EDA: variants seen among roughly 807,000 people sequenced by gnomAD.
EDA encodes the protein ectodysplasin-A.
A neutral mutation model predicts 23.6 loss-of-function variants in EDA; 2 were observed. The ratio of observed to expected loss-of-function variants is 0.08; its 90% confidence interval spans 0.03 to 0.27. The LOEUF is 0.27. Ranked by LOEUF, EDA falls within the 10% of genes least tolerant of loss-of-function variation. The pLI is 1.00. For missense variants in EDA, 229 were observed against 324.2 expected, an observed-to-expected ratio of 0.71 and a Z score of 2.26; for synonymous variants, 131 against 132.0, an observed-to-expected ratio of 0.99 and a Z score of 0.05.
intron 1 of EDA, among the ~76,000 whole-genome samples, chrX:69,885,124 G>A (rs1433723374): frequency 8.9e-6 from 1 of 111,825 alleles, no homozygotes; most frequent in African/African-American, 3.2e-5. Flanking sequence ...ATCTTTTCTA[G>A]GGAAACATCT....
At chrX:69,659,644 C>A (rs1296651062) in intron 1 of EDA, among the ~76,000 whole-genome samples, 1 of 112,019 alleles carries the variant, frequency 8.9e-6, no homozygotes, top group East Asian at 2.8e-4. Flanking sequence ...CCTTAAAATG[C>A]AACCCAATTT....
chrX:69,711,404 A>G (rs2012025390), intron 1 of EDA, among the ~76,000 whole-genome samples: 1 of 111,611 alleles, frequency 9.0e-6, no homozygotes, highest in Non-Finnish European at 1.9e-5. Flanking sequence ...CCAGTATTTT[A>G]TTGAGGATTT....
intron 1 of EDA, among the ~76,000 whole-genome samples, chrX:69,805,759 G>C (rs2015799193): frequency 1.8e-5 from 2 of 111,611 alleles, no homozygotes; most frequent in Admixed American, 1.9e-4. Context: ...GTCTAACTCA[G>C]ACAATACTGA....
At chrX:70,009,609 C>T (rs1193846672) in intron 2 of EDA, among the ~76,000 whole-genome samples, 1 of 108,611 alleles carries the variant, frequency 9.2e-6, no homozygotes, top group Non-Finnish European at 1.9e-5. Context: ...TGTTTTGATG[C>T]GGAGTCTCGC....
rs781592770 is a variant in EDA at position 69,805,784 on chromosome X, A to G, written c.397-151243A>G. Reference sequence around the variant, plus strand: ...GACAATACTGATCAGGACATGCTGTATGTGTAAAAGGACCCAAAACTTGAA... The same window carrying G: ...GACAATACTGATCAGGACATGCTGTGTGTGTAAAAGGACCCAAAACTTGAA... On this transcript the variant is annotated intron_variant, in intron 1 of 7. Coordinates refer to ENST00000374552, the MANE Select transcript of EDA (RefSeq NM_001399.5). Among the ~76,000 whole-genome samples, 171 of 111,843 alleles carry G rather than the reference A, an allele frequency of 1.5e-3. 1 individual carries two copies. Among genetic ancestry groups the G allele is most frequent in the African/African-American group, 5.2e-3 (161 of 30,926 alleles).
intron 1 of EDA, among the ~76,000 whole-genome samples, chrX:69,935,049 G>A (rs986853257): frequency 1.8e-5 from 2 of 111,885 alleles, no homozygotes; most frequent in Non-Finnish European, 3.8e-5. Flanking sequence ...GAGAATATAT[G>A]AAGTTTGTCT....
At chrX:69,832,390 G>A (rs2016636178) in intron 1 of EDA, among the ~76,000 whole-genome samples, 2 of 111,504 alleles carry the variant, frequency 1.8e-5, no homozygotes, top group African/African-American at 3.3e-5. Context: ...TGTTCCATTG[G>A]TCTATATCTC....
chrX:69,788,791 A>C (rs1248462508), intron 1 of EDA, among the ~76,000 whole-genome samples: 4 of 113,393 alleles, frequency 3.5e-5, no homozygotes, highest in African/African-American at 1.3e-4. Flanking sequence ...AGAGGCAGGC[A>C]GGCCTCCTTG....
chrX:69,810,043 C>T (rs1262710945), intron 1 of EDA, among the ~76,000 whole-genome samples: 3 of 107,426 alleles, frequency 2.8e-5, no homozygotes, highest in East Asian at 2.9e-4. Context: ...GGGCGGATCA[C>T]GAGGTCAGGA....
At chrX:69,921,303 G>A (rs1200214186) in intron 1 of EDA, among the ~76,000 whole-genome samples, 1 of 111,565 alleles carries the variant, frequency 9.0e-6, no homozygotes, top group African/African-American at 3.3e-5. Flanking sequence ...TTGCTACTGG[G>A]TGTCATTACT....
chrX:69,957,228 A>T, intron 2 of EDA, 96 bp downstream of exon 2: 1 of 872,160 alleles, frequency 1.1e-6, no homozygotes, highest in African/African-American at 2.0e-5. Flanking sequence ...ATGGTGGCTC[A>T]CGCCTGTAAT....
intron 1 of EDA, among the ~76,000 whole-genome samples, chrX:69,667,296 G>T (rs1437547660): frequency 4.6e-5 from 5 of 107,669 alleles, no homozygotes; most frequent in Non-Finnish European, 7.7e-5. Flanking sequence ...TTTATTTTTA[G>T]TAGAGACAGG....
intron 1 of EDA, among the ~76,000 whole-genome samples, chrX:69,788,354 G>A (rs1201889179): frequency 8.9e-6 from 1 of 112,309 alleles, no homozygotes; most frequent in African/African-American, 3.2e-5. Context: ...TTCCTTTGGA[G>A]GAGGAGAGGC....
intron 1 of EDA, among the ~76,000 whole-genome samples, chrX:69,810,243 G>T (rs1450566602): frequency 1.6e-5 from 1 of 63,432 alleles, no homozygotes. Flanking sequence ...GGGTGACAGA[G>T]CGAGACTCCA....
rs751804346 is a variant in EDA, at chrX:69,835,589, T to C, written c.397-121438T>C. ...AGGTCATTTAAGGTCTTCTCTACAC[T>C]GTTTATTCTAGTTAGCCGTTTGTCT... is the stretch of plus-strand genomic sequence containing the variant. On this transcript the variant is annotated intron_variant, in intron 1 of 7. Coordinates refer to ENST00000374552, the MANE Select transcript of EDA (RefSeq NM_001399.5). 3.6e-5 allele frequency among the ~76,000 whole-genome samples: 4 copies of C among 111,831 alleles called. No homozygotes were observed. The South Asian group carries it at 1.5e-3, about 42-fold the overall frequency.
At chrX:69,759,300 G>A (rs2014226172) in intron 1 of EDA, among the ~76,000 whole-genome samples, 1 of 112,176 alleles carries the variant, frequency 8.9e-6, no homozygotes, top group Non-Finnish European at 1.9e-5. Flanking sequence ...TTTTACCTTT[G>A]TAGCAGCCTC....
chrX:70,017,463 A>G (rs2019968558), intron 2 of EDA, among the ~76,000 whole-genome samples: 1 of 112,131 alleles, frequency 8.9e-6, no homozygotes. Flanking sequence ...CAATACTAGC[A>G]AACTGAATCT....
intron 1 of EDA, chrX:69,938,166 C>CCGGCGG (rs2018703432): frequency 1.8e-6 from 1 of 560,009 alleles, no homozygotes; most frequent in East Asian, 3.7e-5. Flanking sequence ...GAGACAGCAC[C>CCGGCGG]CGGCGGCAGT....
intron 1 of EDA, among the ~76,000 whole-genome samples, chrX:69,701,190 G>A (rs958135211): frequency 1.8e-5 from 2 of 111,691 alleles, no homozygotes; most frequent in African/African-American, 6.5e-5. Context: ...TAGTTGCTGG[G>A]GCATCTGTTC....
Sources: gnomAD v4.1 joint callset for allele counts (sites outside exome capture counted in the v4.1 genomes callset) on GRCh38, gnomAD v4.1.1 for gene constraint, MANE v1.5 for transcripts, NCBI Gene and HGNC (gene_info 2026-07-23, HGNC 2026-07-21) for gene names.